FRA10AC1: variants seen among roughly 807,000 people sequenced by gnomAD.
FRA10AC1 encodes the protein FRA10A associated CGG repeat 1.
Under a neutral mutation model 56.5 loss-of-function variants are expected in FRA10AC1, and 43 were observed. That is an observed-to-expected ratio of 0.76 (90% CI 0.60 to 0.98). The LOEUF is 0.98. Among genes scored for constraint, FRA10AC1 ranks in the 50% least tolerant of loss-of-function variants. FRA10AC1 has a pLI of 0.00. For missense variants in FRA10AC1, 346 were observed against 351.8 expected (o/e 0.98, Z 0.13); for synonymous variants, 112 against 110.5 (o/e 1.01, Z -0.09).
At position 93,681,480 on chromosome 10, in the gene FRA10AC1, C is replaced by A. The variant is rs1189055688; in HGVS notation, c.787G>T (p.Gly263Ter). ...AEEASKKKDK[G>*]HSSSKKSEDS... ...ATGCCTTATCTTAATTTCCTTTTACCTTTATCTTTTTTCTTGGAGGCCTCT... is the reference window on the plus strand; with the variant it reads ...ATGCCTTATCTTAATTTCCTTTTACATTTATCTTTTTTCTTGGAGGCCTCT... Residue 263 changes from glycine (G) to a stop codon, truncating the protein, a stop_gained and splice_region_variant, in exon 11 of 14, where the codon GGA becomes TGA. Transcript: ENST00000359204. LOFTEE classifies it high-confidence loss of function. The A allele has an allele frequency of 6.5e-7, 1 of 1,544,582 alleles. No individual in the cohort carries two copies. The highest frequency in any genetic ancestry group is 1.4e-5 in the African/African-American group (1 of 71,030).
intron 1 of FRA10AC1, among the ~76,000 whole-genome samples, chr10:93,701,420 A>G (rs913216750): frequency 2.6e-5 from 4 of 152,224 alleles, no homozygotes; most frequent in Non-Finnish European, 4.4e-5. Flanking sequence ...GCTACCTTGA[A>G]TAAGTCATTT....
Position 93,669,730 on chromosome 10 carries a change from A to C in FRA10AC1, c.*96T>G. On this transcript the variant is annotated 3_prime_UTR_variant, in exon 14 of 14. Coordinates refer to ENST00000359204, the MANE Select transcript of FRA10AC1 (RefSeq NM_145246.5). ...CCAAAGACAAACCACACAAGCTGTA[A>C]CTTGCAGATAAAAACTTATATGGAA... 2 of 773,386 alleles carry C rather than the reference A, an allele frequency of 2.6e-6. No homozygotes were observed. Among genetic ancestry groups the C allele is most frequent in the Non-Finnish European group, 4.3e-6 (2 of 467,270 alleles). 47.9% of individuals were successfully genotyped at this position (773,386 alleles called of 1,614,324 possible). A position where few individuals can be genotyped will look rare whatever the true frequency, so the allele number is the denominator to read the frequency against.
At chr10:93,698,247 C>T (rs2059266907) in intron 3 of FRA10AC1, 54 bp downstream of exon 3, 8 of 1,509,090 alleles carry the variant, frequency 5.3e-6, no homozygotes, top group Non-Finnish European at 7.3e-6. Context: ...AATCAAATCC[C>T]CTAATCCGAA....
intron 10 of FRA10AC1, among the ~76,000 whole-genome samples, chr10:93,682,336 A>C (rs1397321829): frequency 1.3e-5 from 2 of 152,222 alleles, no homozygotes; most frequent in African/African-American, 4.8e-5. Context: ...GTTAAAGTAC[A>C]TCTACTAAAT....
At chr10:93,692,182 T>C in intron 6 of FRA10AC1, 89 bp from the exon 7 acceptor site, 2 of 862,574 alleles carry the variant, frequency 2.3e-6, no homozygotes, top group South Asian at 2.7e-5. Context: ...ACATACTACA[T>C]AAATATTAAT....
At chr10:93,696,421 T>G (rs1178820382) in intron 4 of FRA10AC1, among the ~76,000 whole-genome samples, 4 of 152,164 alleles carry the variant, frequency 2.6e-5, no homozygotes, top group Non-Finnish European at 5.9e-5. Flanking sequence ...TGGTTCCCAG[T>G]CAGAATCGCA....
chr10:93,692,534 G>T, intron 6 of FRA10AC1, 112 bp downstream of exon 6: 1 of 685,900 alleles, frequency 1.5e-6, no homozygotes, highest in South Asian at 1.9e-5. Flanking sequence ...TTATGTCCTT[G>T]ATTCAGAACT....
In FRA10AC1 at chr10:93,673,341, C is replaced by T. The variant is rs184395163; in HGVS notation, c.827-2493G>A. On this transcript the variant is annotated intron_variant, in intron 12 of 13. Transcript: ENST00000359204. ...TTCCCTCCCATCCTTTCACTCTTCT[C>T]CCAGGTAAACATCTGCAGTTCCTCC... 4.8e-4 allele frequency: 219 copies of T among 456,598 alleles called. 1 individual carries two copies. Among genetic ancestry groups the T allele is most frequent in the South Asian group, 1.5e-4 (10 of 64,538 alleles). The allele number at this position is 456,598 out of a possible 1,614,324, so 28.3% of individuals were successfully genotyped here.
Position 93,669,718 on chromosome 10 carries a change from A to G in FRA10AC1, c.*108T>C. 1 of 730,302 alleles carries G rather than the reference A, an allele frequency of 1.4e-6. No homozygotes were observed. The highest frequency in any genetic ancestry group is 2.3e-6 in the Non-Finnish European group (1 of 435,934). The allele number at this position is 730,302 out of a possible 1,614,324, so 45.2% of individuals were successfully genotyped here. On this transcript the variant is annotated 3_prime_UTR_variant, in exon 14 of 14. Transcript: ENST00000359204. ...GGATTTTTATTTCCAAAGACAAACC[A>G]CACAAGCTGTAACTTGCAGATAAAA...
intron 12 of FRA10AC1, chr10:93,672,973 T>A (rs2058788121): frequency 5.8e-6 from 1 of 171,894 alleles, no homozygotes. Context: ...TATTCAGTGA[T>A]TATTGGTAAG....
Position 93,702,506 on chromosome 10 carries a change from C to G in FRA10AC1, c.-132G>C, listed in dbSNP as rs1375058830. The G allele has an allele frequency of 9.8e-6, 2 of 204,192 alleles. No homozygotes were observed. The highest frequency in any genetic ancestry group is 1.9e-5 in the Non-Finnish European group (2 of 106,228). 12.6% of individuals were successfully genotyped at this position (204,192 alleles called of 1,614,324 possible). ...AGGTCCCGTGCGCCCTGCCGCACAG[C>G]CTCGCCACAACCACCACCGCCGCCG... On this transcript the variant is annotated 5_prime_UTR_variant, in exon 1 of 14. Transcript: ENST00000359204.
In FRA10AC1 at chr10:93,669,708, A is replaced by C; in HGVS notation, c.*118T>G. On this transcript the variant is annotated 3_prime_UTR_variant, in exon 14 of 14. Coordinates refer to ENST00000359204, the MANE Select transcript of FRA10AC1 (RefSeq NM_145246.5). The stretch of plus-strand genomic sequence containing the variant: ...GAGAGAACCTGGATTTTTATTTCCA[A>C]AGACAAACCACACAAGCTGTAACTT... The C allele has an allele frequency of 1.4e-6, 1 of 699,922 alleles. No individual in the cohort carries two copies. Among genetic ancestry groups the C allele is most frequent in the South Asian group, 1.8e-5 (1 of 55,682 alleles). The allele number at this position is 699,922 out of a possible 1,614,324, so 43.4% of individuals were successfully genotyped here.
chr10:93,697,470 C>A (rs185732863), intron 4 of FRA10AC1, among the ~76,000 whole-genome samples: 1 of 152,066 alleles, frequency 6.6e-6, no homozygotes, highest in Non-Finnish European at 1.5e-5. Context: ...CAATAAATAC[C>A]CAAAAATACT....
Position 93,687,857 on chromosome 10 carries a change from TA to T in FRA10AC1, c.466-409del, listed in dbSNP as rs537753798. On this transcript the variant is annotated intron_variant, in intron 7 of 13. Transcript: ENST00000359204. ...AACAGTTGTATAGTACTGGGCAAATTAATCTCTTTTTTGCCTCAGCTTCCTC... is the reference window on the plus strand; with the variant it reads ...AACAGTTGTATAGTACTGGGCAAATTATCTCTTTTTTGCCTCAGCTTCCTC... 365 of 153,268 alleles carry T rather than the reference TA, an allele frequency of 2.4e-3. 1 individual carries two copies. Among genetic ancestry groups the T allele is most frequent in the African/African-American group, 8.3e-3 (346 of 41,588 alleles). The allele number at this position is 153,268 out of a possible 1,614,324, so 9.5% of individuals were successfully genotyped here. A position where few individuals can be genotyped will look rare whatever the true frequency, so the allele number is the denominator to read the frequency against.
At chr10:93,681,762 T>A (rs2058939238) in intron 10 of FRA10AC1, among the ~76,000 whole-genome samples, 164 bp from the exon 11 acceptor site, 1 of 152,130 alleles carries the variant, frequency 6.6e-6, no homozygotes, top group Non-Finnish European at 1.5e-5. Context: ...TTTATGCTTG[T>A]ATATTAATTA....
At chr10:93,691,959 A>G (rs918106605) in intron 7 of FRA10AC1, 50 bp downstream of exon 7, 3 of 1,517,774 alleles carry the variant, frequency 2.0e-6, no homozygotes, top group African/African-American at 1.4e-5. Flanking sequence ...ATAAAAGTTA[A>G]TATTTTACTT....
At chr10:93,673,580 C>T (rs768257569) in intron 12 of FRA10AC1, 3 of 353,810 alleles carry the variant, frequency 8.5e-6, no homozygotes, top group South Asian at 2.2e-5. Context: ...GAAGAAATGG[C>T]AAATGTCTCC....
At chr10:93,673,281 C>T in intron 12 of FRA10AC1, 1 of 455,792 alleles carries the variant, frequency 2.2e-6, no homozygotes, top group Non-Finnish European at 4.4e-6. Flanking sequence ...TTGCAAATAT[C>T]CATACAGTAA....
intron 7 of FRA10AC1, 46 bp downstream of exon 7, chr10:93,691,963 T>C: frequency 6.5e-7 from 1 of 1,526,930 alleles, no homozygotes. Flanking sequence ...AAGTTAATAT[T>C]TTACTTGAAT....
Sources: gnomAD v4.1 joint callset for allele counts (sites outside exome capture counted in the v4.1 genomes callset) on GRCh38, gnomAD v4.1.1 for gene constraint, MANE v1.5 for transcripts, NCBI Gene and HGNC (gene_info 2026-07-23, HGNC 2026-07-21) for gene names.